Variants in GRM3 observed in about 807,000 individuals in gnomAD.
GRM3 encodes metabotropic glutamate receptor 3.
Under a neutral mutation model 70.5 loss-of-function variants are expected in GRM3, and 26 were observed. The observed-to-expected ratio is 0.37, with a 90% CI of 0.27 to 0.51. The LOEUF (loss-of-function observed/expected upper bound fraction) is 0.51, where lower values mean the gene tolerates loss of function less well. GRM3 is among the 20% of genes least tolerant of loss of function. GRM3 has a pLI of 0.93. For synonymous variants in GRM3, 443 were observed against 434.9 expected (o/e 1.02, Z -0.23); for missense variants, 859 against 1,123.8 (o/e 0.76, Z 3.37).
chr7:86,645,807 A>G (rs1793446252), intron 1 of GRM3, among the ~76,000 whole-genome samples: 1 of 152,078 alleles, frequency 6.6e-6, no homozygotes, highest in Admixed American at 6.5e-5. Flanking sequence ...CTACTATTTG[A>G]ATAGTAATAG....
chr7:86,829,669 A>G (rs940902772), intron 3 of GRM3, among the ~76,000 whole-genome samples: 5 of 152,214 alleles, frequency 3.3e-5, no homozygotes, highest in Non-Finnish European at 7.3e-5. Context: ...AGCAATCACA[A>G]CATTTATTAA....
intron 1 of GRM3, among the ~76,000 whole-genome samples, chr7:86,703,711 A>G (rs1353459089): frequency 6.6e-6 from 1 of 151,972 alleles, no homozygotes; most frequent in East Asian, 1.9e-4. Context: ...GGAATGATTC[A>G]TCAAAAAAGA....
intron 1 of GRM3, among the ~76,000 whole-genome samples, chr7:86,742,030 C>T (rs1159530577): frequency 6.6e-6 from 1 of 152,132 alleles, no homozygotes; most frequent in African/African-American, 2.4e-5. Context: ...GTGGAGACAA[C>T]TCATCTCTAG....
intron 1 of GRM3, among the ~76,000 whole-genome samples, chr7:86,659,427 A>C (rs1445259237): frequency 6.6e-6 from 1 of 152,118 alleles, no homozygotes; most frequent in African/African-American, 2.4e-5. Context: ...TGGAAGAGGA[A>C]AGTGAAGTAC....
At position 86,661,000 on chromosome 7, in the gene GRM3, T is replaced by A. The variant is rs956700972; in HGVS notation, c.-141+16128T>A. Among the ~76,000 whole-genome samples, 14 of 152,078 alleles carry A rather than the reference T, an allele frequency of 9.2e-5. No individual in the cohort carries two copies. In the East Asian group the frequency reaches 2.5e-3, roughly 27 times the overall value. On this transcript the variant is annotated intron_variant, in intron 1 of 5. Coordinates refer to ENST00000361669, the MANE Select transcript of GRM3 (RefSeq NM_000840.3). ...AACAACAAATGAAAAATAATTCCTG[T>A]CCTCAAAGATCTTTCTTTACAATTT...
intron 1 of GRM3, among the ~76,000 whole-genome samples, chr7:86,679,531 A>G (rs1294339526): frequency 6.6e-6 from 1 of 152,064 alleles, no homozygotes; most frequent in Non-Finnish European, 1.5e-5. Flanking sequence ...TAATCCTACT[A>G]TACTCACATG....
chr7:86,825,927 C>T (rs1798223054), intron 3 of GRM3, among the ~76,000 whole-genome samples: 1 of 152,170 alleles, frequency 6.6e-6, no homozygotes, highest in South Asian at 2.1e-4. Context: ...TATCACATTT[C>T]ACTCTTCTGC....
At chr7:86,720,714 G>A (rs77090236) in intron 1 of GRM3, among the ~76,000 whole-genome samples, 2,575 of 152,056 alleles carry the variant, frequency 0.017, 70 homozygotes, top group African/African-American at 0.058. Context: ...ATGAACTAGC[G>A]CAGTGTATCA....
chr7:86,830,506 A>T (rs993592273), intron 3 of GRM3, among the ~76,000 whole-genome samples: 7 of 152,172 alleles, frequency 4.6e-5, no homozygotes, highest in African/African-American at 1.4e-4. Context: ...TTGAAAGAAA[A>T]TTTTTTTAAA....
chr7:86,707,896 C>CCAGGA (rs1256753376), intron 1 of GRM3, among the ~76,000 whole-genome samples: 19 of 152,062 alleles, frequency 1.2e-4, no homozygotes, highest in African/African-American at 4.3e-4. Context: ...CTGATGAAAG[C>CCAGGA]ACTTTACAAA....
At chr7:86,661,599 G>C (rs1314690641) in intron 1 of GRM3, among the ~76,000 whole-genome samples, 1 of 151,752 alleles carries the variant, frequency 6.6e-6, no homozygotes. Flanking sequence ...CTTTTCCTAA[G>C]GTTAGAAAAA....
chr7:86,776,162 C>G (rs537710242), intron 2 of GRM3: 22 of 152,278 alleles, frequency 1.4e-4, no homozygotes, highest in African/African-American at 5.3e-4. Context: ...TTACTACATG[C>G]CCATCAGTGA....
chr7:86,807,842 T>A (rs1797827938), intron 3 of GRM3, among the ~76,000 whole-genome samples: 1 of 152,206 alleles, frequency 6.6e-6, no homozygotes, highest in African/African-American at 2.4e-5. Context: ...AAAGGAATGC[T>A]TCCAGTTTTT....
At chr7:86,645,124 G>T (rs977075735) in intron 1 of GRM3, among the ~76,000 whole-genome samples, 5 of 152,140 alleles carry the variant, frequency 3.3e-5, no homozygotes, top group Admixed American at 6.5e-5. Context: ...TGCGGCCAGG[G>T]TGCGAGAGGT....
intron 5 of GRM3, among the ~76,000 whole-genome samples, chr7:86,852,280 T>G (rs1245572097): frequency 6.6e-6 from 1 of 151,844 alleles, no homozygotes; most frequent in Non-Finnish European, 1.5e-5. Context: ...ATTAGAACAA[T>G]TTAGCAGAGT....
intron 1 of GRM3, among the ~76,000 whole-genome samples, chr7:86,753,207 T>A (rs904803887): frequency 2.0e-5 from 3 of 152,110 alleles, no homozygotes; most frequent in Non-Finnish European, 4.4e-5. Flanking sequence ...TTAGAGTCAT[T>A]GATAAATTAT....
intron 2 of GRM3, among the ~76,000 whole-genome samples, chr7:86,779,679 G>A (rs1292081883): frequency 1.3e-5 from 2 of 152,154 alleles, no homozygotes; most frequent in Non-Finnish European, 2.9e-5. Context: ...CTCAGAGAAT[G>A]GGCACACAAG....
intron 1 of GRM3, among the ~76,000 whole-genome samples, chr7:86,690,568 C>A (rs1794673387): frequency 6.6e-6 from 1 of 152,038 alleles, no homozygotes; most frequent in East Asian, 1.9e-4. Flanking sequence ...GGTTGGAAAT[C>A]TGCCTTACTT....
At chr7:86,794,785 T>A (rs1487791980) in intron 3 of GRM3, among the ~76,000 whole-genome samples, 1 of 152,102 alleles carries the variant, frequency 6.6e-6, no homozygotes, top group South Asian at 2.1e-4. Flanking sequence ...CATTCCACTG[T>A]CTAAAGTATA....
Sources: gnomAD v4.1 joint callset for allele counts (sites outside exome capture counted in the v4.1 genomes callset) on GRCh38, gnomAD v4.1.1 for gene constraint, MANE v1.5 for transcripts, NCBI Gene and HGNC (gene_info 2026-07-23, HGNC 2026-07-21) for gene names.